PARD3: variants seen among roughly 807,000 people sequenced by gnomAD.
PARD3 encodes the protein par-3 family cell polarity regulator.
PARD3 carries 75 observed loss-of-function variants against 155.4 expected under a neutral mutation model. That is an observed-to-expected ratio of 0.48 (90% CI 0.40 to 0.58). The LOEUF (loss-of-function observed/expected upper bound fraction) is 0.58. Among genes scored for constraint, PARD3 ranks in the 20% least tolerant of loss-of-function variants. The pLI, the probability that PARD3 is intolerant of heterozygous loss-of-function variation, is 0.00. For missense variants in PARD3, 1,642 were observed against 1,721.7 expected, an observed-to-expected ratio of 0.95 and a Z score of 0.82; for synonymous variants, 576 against 610.5, an observed-to-expected ratio of 0.94 and a Z score of 0.83.
At chr10:34,414,783 T>G (rs1219673586) in intron 5 of PARD3, among the ~76,000 whole-genome samples, 3 of 152,014 alleles carry the variant, frequency 2.0e-5, no homozygotes, top group Non-Finnish European at 4.4e-5. Flanking sequence ...TCTATGGATA[T>G]AACAAAATAT....
intron 22 of PARD3, among the ~76,000 whole-genome samples, chr10:34,169,478 G>C (rs1360425727): frequency 6.6e-6 from 1 of 152,166 alleles, no homozygotes; most frequent in African/African-American, 2.4e-5. Context: ...AAAACCCTAA[G>C]GGGATGATAC....
chr10:34,269,526 C>A, intron 22 of PARD3, 131 bp downstream of exon 22: 1 of 950,810 alleles, frequency 1.1e-6, no homozygotes, highest in East Asian at 2.5e-5. Context: ...TACTTTTAGA[C>A]ACAACAGCTT....
intron 6 of PARD3, 56 bp from the exon 7 acceptor site, chr10:34,399,469 CCAAAACAAAA>C: frequency 1.7e-6 from 2 of 1,178,764 alleles, no homozygotes; most frequent in Non-Finnish European, 2.5e-6. Context: ...CAAACCAAAA[CCAAAACAAAA>C]CAAAACAAAA....
chr10:34,232,242 A>G (rs1468495655), intron 22 of PARD3, among the ~76,000 whole-genome samples: 1 of 152,068 alleles, frequency 6.6e-6, no homozygotes, highest in Non-Finnish European at 1.5e-5. Flanking sequence ...AACTCACAAA[A>G]TGTTTCTTCC....
At chr10:34,472,185 A>C (rs2133094071) in intron 3 of PARD3, among the ~76,000 whole-genome samples, 1 of 152,310 alleles carries the variant, frequency 6.6e-6, no homozygotes, top group East Asian at 1.9e-4. Context: ...GTCAACTCCA[A>C]ATTTAATACT....
At chr10:34,153,972 G>C (rs1217497507) in intron 22 of PARD3, among the ~76,000 whole-genome samples, 1 of 152,156 alleles carries the variant, frequency 6.6e-6, no homozygotes. Flanking sequence ...TTTAGAATTG[G>C]GAAGTGAGTA....
intron 22 of PARD3, among the ~76,000 whole-genome samples, chr10:34,187,188 G>T: frequency 6.6e-6 from 1 of 152,156 alleles, no homozygotes; most frequent in East Asian, 1.9e-4. Context: ...CTTGAAAGCT[G>T]CCAAATGCCT....
intron 2 of PARD3, among the ~76,000 whole-genome samples, chr10:34,524,577 T>C (rs891149394): frequency 6.6e-6 from 1 of 152,194 alleles, no homozygotes; most frequent in Non-Finnish European, 1.5e-5. Flanking sequence ...AATGAAAATA[T>C]GCAAATTCGT....
Position 34,305,785 on chromosome 10 carries a change from C to G in PARD3, c.3065+11322G>C, listed in dbSNP as rs12218058. Among the ~76,000 whole-genome samples, 20 of 152,198 alleles carry G rather than the reference C, an allele frequency of 1.3e-4. No individual in the cohort carries two copies. In the East Asian group the frequency reaches 3.5e-3, roughly 27 times the overall value. ...TTGAGGCCAAGAGTTTGAAAATACC[C>G]TGGGCAATAAAGTGAGACCGTGTCT... On this transcript the variant is annotated intron_variant, in intron 20 of 24. Transcript: ENST00000374788.
chr10:34,304,489 T>C (rs1957304968), intron 20 of PARD3, among the ~76,000 whole-genome samples: 1 of 152,182 alleles, frequency 6.6e-6, no homozygotes, highest in African/African-American at 2.4e-5. Flanking sequence ...CTTTTTTCCA[T>C]AGCACTCACA....
At chr10:34,737,448 A>G (rs538852599) in intron 1 of PARD3, among the ~76,000 whole-genome samples, 1 of 152,298 alleles carries the variant, frequency 6.6e-6, no homozygotes, top group African/African-American at 2.4e-5. Context: ...GCCCAACACT[A>G]TGGAGCCGAT....
At chr10:34,612,348 C>T (rs565972429) in intron 2 of PARD3, among the ~76,000 whole-genome samples, 5 of 152,270 alleles carry the variant, frequency 3.3e-5, no homozygotes, top group South Asian at 2.1e-4. Flanking sequence ...AATATACACA[C>T]ATTTTCCCTA....
intron 2 of PARD3, among the ~76,000 whole-genome samples, chr10:34,680,450 C>A (rs545257679): frequency 2.6e-5 from 4 of 151,774 alleles, no homozygotes; most frequent in African/African-American, 9.7e-5. Context: ...ATCCTAGCTA[C>A]TCTGGAGGAT....
chr10:34,313,186 G>C (rs1354833360), intron 20 of PARD3, among the ~76,000 whole-genome samples: 2 of 152,164 alleles, frequency 1.3e-5, no homozygotes, highest in Non-Finnish European at 2.9e-5. Flanking sequence ...CCGAGTGTCT[G>C]AGAATCAAAC....
chr10:34,221,244 C>T lies in PARD3; in HGVS notation c.3419+48413G>A, dbSNP rs145919717. On this transcript the variant is annotated intron_variant, in intron 22 of 24. Coordinates refer to ENST00000374788, the MANE Select transcript of PARD3 (RefSeq NM_001184785.2). ...GGCCATCCGGTGATGTGCATGTCCA[C>T]CGCTTTCCTTGTAGCCCCATTTGTA... Among the ~76,000 whole-genome samples, 320 of 152,302 alleles carry T rather than the reference C, an allele frequency of 2.1e-3. 4 individuals carry two copies. The highest frequency in any genetic ancestry group is 7.2e-3 in the African/African-American group (300 of 41,574).
At chr10:34,727,701 C>A (rs1020445333) in intron 1 of PARD3, among the ~76,000 whole-genome samples, 6 of 152,154 alleles carry the variant, frequency 3.9e-5, no homozygotes, top group Non-Finnish European at 8.8e-5. Flanking sequence ...CAATCACACA[C>A]ACTGTTGCCA....
intron 3 of PARD3, among the ~76,000 whole-genome samples, chr10:34,472,282 C>G (rs947001115): frequency 6.6e-6 from 1 of 152,116 alleles, no homozygotes; most frequent in Non-Finnish European, 1.5e-5. Context: ...ACATTCATGA[C>G]AACCTTTGCT....
intron 1 of PARD3, among the ~76,000 whole-genome samples, chr10:34,741,268 TC>T (rs1268706566): frequency 1.3e-5 from 2 of 150,174 alleles, no homozygotes; most frequent in Non-Finnish European, 3.0e-5. Flanking sequence ...TTCTGCAGCT[TC>T]AACTTCCTGG....
chr10:34,390,037 C>A (rs73259226), intron 7 of PARD3, among the ~76,000 whole-genome samples: 2 of 152,032 alleles, frequency 1.3e-5, no homozygotes, highest in South Asian at 4.2e-4. Flanking sequence ...AATGAGTCTG[C>A]GGCTGAGAAT....
Sources: gnomAD v4.1 joint callset for allele counts (sites outside exome capture counted in the v4.1 genomes callset) on GRCh38, gnomAD v4.1.1 for gene constraint, MANE v1.5 for transcripts, NCBI Gene and HGNC (gene_info 2026-07-23, HGNC 2026-07-21) for gene names.